The following PPP2R5E variants were observed in gnomAD, a reference collection of about 807,000 sequenced individuals.
PPP2R5E encodes the protein serine/threonine-protein phosphatase 2A 56 kDa regulatory subunit epsilon isoform.
Under a neutral mutation model 65.3 loss-of-function variants are expected in PPP2R5E, and 4 were observed. The ratio of observed to expected loss-of-function variants is 0.06; its 90% CI spans 0.03 to 0.14. The LOEUF (loss-of-function observed/expected upper bound fraction) is 0.14, where lower values mean the gene tolerates loss of function less well. PPP2R5E is among the 10% of genes least tolerant of loss of function. The pLI is 1.00. For synonymous variants in PPP2R5E, 183 were observed against 187.4 expected, an observed-to-expected ratio of 0.98 and a Z score of 0.19; for missense variants, 274 against 556.1, an observed-to-expected ratio of 0.49 and a Z score of 5.10.
intron 2 of PPP2R5E, among the ~76,000 whole-genome samples, chr14:63,493,995 G>A (rs74910748): frequency 0.033 from 4,994 of 152,124 alleles, 249 homozygotes; most frequent in African/African-American, 0.11. Context: ...AAAACGCAAC[G>A]TCTAAAGCAA....
chr14:63,495,886 T>C (rs1258863653), intron 2 of PPP2R5E, among the ~76,000 whole-genome samples: 2 of 151,964 alleles, frequency 1.3e-5, no homozygotes, highest in South Asian at 4.2e-4. Flanking sequence ...AGACAAGGTT[T>C]CCCTATGTTG....
intron 2 of PPP2R5E, among the ~76,000 whole-genome samples, chr14:63,505,155 T>G (rs898756616): frequency 6.6e-6 from 1 of 152,084 alleles, no homozygotes; most frequent in Admixed American, 6.6e-5. Context: ...GCCAACATGG[T>G]GAAACCCTGC....
At chr14:63,471,142 G>T (rs1384261239) in intron 2 of PPP2R5E, among the ~76,000 whole-genome samples, 1 of 152,246 alleles carries the variant, frequency 6.6e-6, no homozygotes, top group African/African-American at 2.4e-5. Context: ...CTCTCTTTGA[G>T]AATGGAGAGT....
At chr14:63,432,686 G>C (rs1421430113) in intron 3 of PPP2R5E, among the ~76,000 whole-genome samples, 2 of 152,022 alleles carry the variant, frequency 1.3e-5, no homozygotes, top group African/African-American at 2.4e-5. Flanking sequence ...GGGGAGGGAA[G>C]AAAGAAAGAA....
chr14:63,456,865 C>T (rs1479445535), intron 2 of PPP2R5E, among the ~76,000 whole-genome samples: 1 of 151,192 alleles, frequency 6.6e-6, no homozygotes, highest in Non-Finnish European at 1.5e-5. Context: ...TAAACCCCTT[C>T]TCTATCTCCC....
chr14:63,507,557 T>C (rs2139687540), intron 2 of PPP2R5E, among the ~76,000 whole-genome samples: 1 of 149,356 alleles, frequency 6.7e-6, no homozygotes, highest in Admixed American at 6.7e-5. Context: ...TAAAAATAAC[T>C]GCAGCAAGGG....
At chr14:63,511,622 T>A (rs1892455648) in intron 2 of PPP2R5E, among the ~76,000 whole-genome samples, 1 of 152,152 alleles carries the variant, frequency 6.6e-6, no homozygotes, top group South Asian at 2.1e-4. Context: ...CTAACAGCAT[T>A]ATATAAAAGG....
At chr14:63,494,940 A>G (rs1453763941) in intron 2 of PPP2R5E, among the ~76,000 whole-genome samples, 1 of 152,030 alleles carries the variant, frequency 6.6e-6, no homozygotes, top group Non-Finnish European at 1.5e-5. Context: ...ATGGTGGCTC[A>G]TGCCTGTAAT....
rs75393083 is a variant in PPP2R5E, at chr14:63,472,424, A to G, written c.158-18539T>C. 3.9e-5 allele frequency among the ~76,000 whole-genome samples: 6 copies of G among 152,308 alleles called. 1 individual carries two copies. The highest frequency in any genetic ancestry group is 1.4e-4 in the African/African-American group (6 of 41,556). ...AAAGCTGGCTTACTTCAAGACTTCAACCTTGTTTGGATTTAATTTACTGTT... is the reference window on the plus strand; with the variant it reads ...AAAGCTGGCTTACTTCAAGACTTCAGCCTTGTTTGGATTTAATTTACTGTT... On this transcript the variant is annotated intron_variant, in intron 2 of 13. Coordinates refer to ENST00000337537, the MANE Select transcript of PPP2R5E (RefSeq NM_006246.5).
chr14:63,430,353 ACATACATACATACATACATGCATG>A (rs1238444956), intron 3 of PPP2R5E, among the ~76,000 whole-genome samples: 31 of 132,278 alleles, frequency 2.3e-4, no homozygotes, highest in African/African-American at 8.3e-4. Flanking sequence ...ATGTATACAT[ACATACATACATACATACATGCATG>A]CATACATACA....
At chr14:63,527,914 G>A (rs1296774698) in intron 2 of PPP2R5E, among the ~76,000 whole-genome samples, 8 of 147,230 alleles carry the variant, frequency 5.4e-5, no homozygotes, top group South Asian at 2.1e-4. Flanking sequence ...CAGCCCAGGC[G>A]ACAATGTAAG....
At chr14:63,385,438 T>G (rs1228705344) in intron 11 of PPP2R5E, among the ~76,000 whole-genome samples, 1 of 152,246 alleles carries the variant, frequency 6.6e-6, no homozygotes, top group Non-Finnish European at 1.5e-5. Context: ...CCATGTCATC[T>G]GATTCCACAC....
intron 2 of PPP2R5E, chr14:63,508,144 C>T (rs1892299748): frequency 6.1e-6 from 6 of 985,560 alleles, no homozygotes; most frequent in Middle Eastern, 1.0e-3. Flanking sequence ...CTCTTCCAGC[C>T]CCTGCAGCTC....
At chr14:63,457,056 T>A (rs902988724) in intron 2 of PPP2R5E, among the ~76,000 whole-genome samples, 6 of 152,220 alleles carry the variant, frequency 3.9e-5, no homozygotes, top group African/African-American at 1.4e-4. Context: ...GAAAGTTTTA[T>A]ACATGTTGAA....
intron 4 of PPP2R5E, 78 bp from the exon 5 acceptor site, chr14:63,415,310 C>T: frequency 1.0e-6 from 1 of 969,170 alleles, no homozygotes; most frequent in Non-Finnish European, 1.5e-6. Context: ...AAGCCTGTAA[C>T]ACTAAAAGTG....
intron 2 of PPP2R5E, among the ~76,000 whole-genome samples, chr14:63,467,565 G>A (rs1486950847): frequency 6.6e-6 from 1 of 152,102 alleles, no homozygotes; most frequent in Non-Finnish European, 1.5e-5. Flanking sequence ...TGAGAAATAA[G>A]AGTTGACCTT....
chr14:63,444,493 G>A (rs766994354), intron 3 of PPP2R5E, among the ~76,000 whole-genome samples: 3 of 152,010 alleles, frequency 2.0e-5, no homozygotes, highest in Non-Finnish European at 4.4e-5. Flanking sequence ...TTAGCAAAAT[G>A]TAAAAGTGTA....
chr14:63,415,719 G>A (rs1290476291), intron 4 of PPP2R5E, among the ~76,000 whole-genome samples: 2 of 152,096 alleles, frequency 1.3e-5, no homozygotes, highest in Non-Finnish European at 1.5e-5. Flanking sequence ...CTTAGTAGCT[G>A]TAAGTAGTCC....
chr14:63,506,909 G>A (rs188725232), intron 2 of PPP2R5E, among the ~76,000 whole-genome samples: 4 of 152,274 alleles, frequency 2.6e-5, no homozygotes, highest in Admixed American at 2.0e-4. Flanking sequence ...TTCATCAACT[G>A]ATAAATGGAT....
Sources: gnomAD v4.1 joint callset for allele counts (sites outside exome capture counted in the v4.1 genomes callset) on GRCh38, gnomAD v4.1.1 for gene constraint, MANE v1.5 for transcripts, NCBI Gene and HGNC (gene_info 2026-07-23, HGNC 2026-07-21) for gene names.